The following ZFHX3 variants were observed in gnomAD, a reference collection of about 807,000 sequenced individuals.
The protein encoded by ZFHX3 is zinc finger homeobox 3, also known as zinc finger homeobox protein 3.
ZFHX3 carries 42 observed loss-of-function variants against 279.1 expected under a neutral mutation model. The observed-to-expected ratio is 0.15, with a 90% CI of 0.12 to 0.19. The LOEUF (loss-of-function observed/expected upper bound fraction) is 0.19, where lower values mean the gene tolerates loss of function less well. ZFHX3 is among the 10% of genes least tolerant of loss of function. The probability of loss-of-function intolerance (pLI) is 1.00; values close to 1 mark genes in which losing one functional copy is unlikely to be tolerated. For synonymous variants in ZFHX3, 2,293 were observed against 1,957.8 expected (o/e 1.17, Z -4.52); for missense variants, 4,981 against 4,754.0 (o/e 1.05, Z -1.40).
At chr16:73,869,376 G>C (rs1380561020) in intron 1 of ZFHX3, among the ~76,000 whole-genome samples, 1 of 152,198 alleles carries the variant, frequency 6.6e-6, no homozygotes, top group Admixed American at 6.5e-5. Flanking sequence ...AAACTTATCA[G>C]CTGAGAATGA....
intron 5 of ZFHX3, among the ~76,000 whole-genome samples, chr16:73,193,315 T>A (rs930696255): frequency 6.6e-6 from 1 of 152,158 alleles, no homozygotes; most frequent in African/African-American, 2.4e-5. Flanking sequence ...TGTAACATAA[T>A]CTCCACCCTG....
At chr16:73,781,462 G>C (rs13339325) in intron 1 of ZFHX3, among the ~76,000 whole-genome samples, 8,842 of 152,160 alleles carry the variant, frequency 0.058, 479 homozygotes, top group African/African-American at 0.14. Flanking sequence ...GTATTTGTAA[G>C]TCACGTTTTG....
chr16:73,502,175 A>G (rs1337914725), intron 2 of ZFHX3, among the ~76,000 whole-genome samples: 1 of 152,208 alleles, frequency 6.6e-6, no homozygotes, highest in East Asian at 1.9e-4. Flanking sequence ...GCGAGCTTCT[A>G]AAAGAAGGCT....
intron 3 of ZFHX3, among the ~76,000 whole-genome samples, chr16:73,394,352 A>C (rs1420347919): frequency 6.6e-6 from 1 of 151,470 alleles, no homozygotes; most frequent in Non-Finnish European, 1.5e-5. Flanking sequence ...GCTGGAGTGC[A>C]GTGGTGCGAT....
intron 2 of ZFHX3, among the ~76,000 whole-genome samples, chr16:73,677,666 C>A (rs185144375): frequency 1.2e-4 from 18 of 151,940 alleles, no homozygotes; most frequent in Admixed American, 3.3e-4. Flanking sequence ...TTTAAATGAA[C>A]TGATATTTCA....
intron 1 of ZFHX3, among the ~76,000 whole-genome samples, chr16:73,040,644 C>G (rs1485677739): frequency 2.6e-5 from 4 of 152,186 alleles, no homozygotes; most frequent in African/African-American, 9.7e-5. Context: ...GGAGTTGGCT[C>G]TATTTCCACC....
At chr16:73,052,618 G>A (rs369277006), upstream of ZFHX3, among the ~76,000 whole-genome samples, 86 of 152,176 alleles carry the variant, frequency 5.7e-4, 3 homozygotes, top group South Asian at 0.017. Flanking sequence ...TGTTCCAATC[G>A]CCAGTGAGGC....
chr16:72,808,662 G>T (rs1597258893), intron 7 of ZFHX3, among the ~76,000 whole-genome samples: 1 of 152,178 alleles, frequency 6.6e-6, no homozygotes, highest in Non-Finnish European at 1.5e-5. Flanking sequence ...ATGGTCTGCT[G>T]TGGAAAGATG....
chr16:73,789,873 A>T (rs923521521), intron 1 of ZFHX3, among the ~76,000 whole-genome samples: 8 of 152,206 alleles, frequency 5.3e-5, no homozygotes, highest in Admixed American at 5.2e-4. Flanking sequence ...GCAGAGAAGA[A>T]GATGAAAAAG....
chr16:73,061,753 T>G (rs1429438303), upstream of ZFHX3: 5 of 152,034 alleles, frequency 3.3e-5, no homozygotes, highest in South Asian at 2.1e-4. Flanking sequence ...AAATTCCTCT[T>G]TGTAGATCTT....
At chr16:73,562,072 T>C (rs1250163697) in intron 2 of ZFHX3, among the ~76,000 whole-genome samples, 8 of 152,230 alleles carry the variant, frequency 5.3e-5, no homozygotes, top group African/African-American at 1.7e-4. Context: ...AAGTGGGATA[T>C]AGTCATTAAC....
At chr16:73,133,973 C>T (rs968665239) in intron 6 of ZFHX3, among the ~76,000 whole-genome samples, 7 of 152,084 alleles carry the variant, frequency 4.6e-5, no homozygotes, top group African/African-American at 1.4e-4. Context: ...GTAGTGATAG[C>T]CGATACTTAT....
At chr16:73,369,649 C>T (rs769322390) in intron 3 of ZFHX3, among the ~76,000 whole-genome samples, 4 of 152,184 alleles carry the variant, frequency 2.6e-5, no homozygotes, top group Non-Finnish European at 4.4e-5. Flanking sequence ...AACCATGCAC[C>T]AGGACCACCT....
intron 5 of ZFHX3, among the ~76,000 whole-genome samples, chr16:73,211,661 AG>A (rs1351221881): frequency 6.6e-6 from 1 of 152,076 alleles, no homozygotes; most frequent in African/African-American, 2.4e-5. Context: ...TAAATCCCAA[AG>A]AATCTATGTT....
In ZFHX3 at chr16:73,675,993, T is replaced by C. The variant is rs1239443104; in HGVS notation, c.-1547+4187A>G. 2.6e-5 allele frequency among the ~76,000 whole-genome samples: 4 copies of C among 151,972 alleles called. No individual in the cohort carries two copies. The South Asian group carries it at 8.3e-4, about 32-fold the overall frequency. On this transcript the variant is annotated intron_variant, in intron 2 of 17. Transcript: ENST00000641206. ...AAAAAATCCACACAAATGTGTGAAC[T>C]CAGAAAACGTACCAACCATCCATCT...
At chr16:73,115,679 G>A (rs775827481) in intron 7 of ZFHX3, among the ~76,000 whole-genome samples, 6 of 152,264 alleles carry the variant, frequency 3.9e-5, no homozygotes, top group South Asian at 2.1e-4. Flanking sequence ...GATGCTTTAC[G>A]TCTTTCATTT....
chr16:72,864,803 A>G (rs9933480), intron 4 of ZFHX3, among the ~76,000 whole-genome samples: 4,888 of 152,296 alleles, frequency 0.032, 282 homozygotes, highest in African/African-American at 0.11. Context: ...TCTACATAGC[A>G]GGCTATTTGG....
chr16:73,265,010 C>T (rs2013929365), intron 4 of ZFHX3, among the ~76,000 whole-genome samples: 1 of 112,672 alleles, frequency 8.9e-6, no homozygotes, highest in South Asian at 3.5e-4. Flanking sequence ...TATAGCACCT[C>T]AGTGCATATA....
intron 3 of ZFHX3, among the ~76,000 whole-genome samples, chr16:73,326,873 C>G (rs1003222150): frequency 6.6e-6 from 1 of 152,156 alleles, no homozygotes. Flanking sequence ...ATCAACATAC[C>G]TTGGAGGCGA....
Sources: gnomAD v4.1 joint callset for allele counts (sites outside exome capture counted in the v4.1 genomes callset) on GRCh38, gnomAD v4.1.1 for gene constraint, MANE v1.5 for transcripts, NCBI Gene and HGNC (gene_info 2026-07-23, HGNC 2026-07-21) for gene names.